Variants in EZH2 observed in about 807,000 individuals in gnomAD.
The protein encoded by EZH2 is histone-lysine N-methyltransferase EZH2.
In EZH2, 18 loss-of-function variants were observed where a neutral mutation model predicts 98.4. The observed-to-expected ratio is 0.18, with a 90% CI of 0.13 to 0.27. The LOEUF (loss-of-function observed/expected upper bound fraction) is 0.27. Among genes scored for constraint, EZH2 ranks in the 10% least tolerant of loss-of-function variants. EZH2 has a pLI of 1.00. For missense variants in EZH2, 470 were observed against 935.1 expected, an observed-to-expected ratio of 0.50 and a Z score of 6.49; for synonymous variants, 338 against 312.3, an observed-to-expected ratio of 1.08 and a Z score of -0.87.
At chr7:148,857,664 T>C (rs1169176766) in intron 1 of EZH2, among the ~76,000 whole-genome samples, 2 of 151,974 alleles carry the variant, frequency 1.3e-5, no homozygotes, top group African/African-American at 4.8e-5. Context: ...GGCAGGAGAA[T>C]TGCTTGAACC....
intron 6 of EZH2, among the ~76,000 whole-genome samples, chr7:148,828,191 A>G (rs113949796): frequency 2.3e-4 from 35 of 152,310 alleles, no homozygotes; most frequent in African/African-American, 8.4e-4. Flanking sequence ...CTGGTGCATA[A>G]GAAGTGATTA....
At chr7:148,843,583 GTTTTTTTTTTTT>G (rs1157236882) in intron 3 of EZH2, among the ~76,000 whole-genome samples, 13 of 64,310 alleles carry the variant, frequency 2.0e-4, no homozygotes, top group Admixed American at 2.6e-4. Flanking sequence ...GGGAGTATAA[GTTTTTTTTTTTT>G]TTTTTTTTTT....
chr7:148,811,928 G>A, intron 15 of EZH2: 1 of 516,936 alleles, frequency 1.9e-6, no homozygotes, highest in East Asian at 3.1e-5. Context: ...CAGCAGATAA[G>A]AATCTCTGTC....
chr7:148,816,637 G>A, intron 12 of EZH2, 47 bp downstream of exon 12: 2 of 1,434,834 alleles, frequency 1.4e-6, no homozygotes, highest in Non-Finnish European at 9.8e-7. Flanking sequence ...CTTGCCTGCA[G>A]TGTCTATCTA....
chr7:148,828,283 G>A (rs1173297989), intron 6 of EZH2, among the ~76,000 whole-genome samples: 1 of 152,108 alleles, frequency 6.6e-6, no homozygotes, highest in Non-Finnish European at 1.5e-5. Context: ...TACGTTCTTT[G>A]CTAGCCAAAG....
intron 1 of EZH2, among the ~76,000 whole-genome samples, chr7:148,879,507 A>G (rs1820656291): frequency 6.6e-6 from 1 of 151,834 alleles, no homozygotes; most frequent in Non-Finnish European, 1.5e-5. Flanking sequence ...CCTGGCCAAC[A>G]TGGTGAAATC....
intron 11 of EZH2, 64 bp downstream of exon 11, chr7:148,817,158 A>G: frequency 1.4e-6 from 2 of 1,456,478 alleles, no homozygotes; most frequent in Non-Finnish European, 1.8e-6. Context: ...TTGTTTGGAC[A>G]ACGAGTACAG....
intron 19 of EZH2, 130 bp from the exon 20 acceptor site, chr7:148,807,836 AC>A (rs1185806746): frequency 1.7e-6 from 1 of 572,668 alleles, no homozygotes; most frequent in East Asian, 3.0e-5. Flanking sequence ...AAAAAAAAAA[AC>A]CCATCCAATT....
intron 6 of EZH2, among the ~76,000 whole-genome samples, chr7:148,827,567 G>T (rs527420924): frequency 7.9e-5 from 12 of 152,230 alleles, no homozygotes; most frequent in East Asian, 3.9e-4. Context: ...TACCTCTTGG[G>T]TCTGTTTACT....
rs1405086691 is a variant in EZH2 at position 148,810,485 on chromosome 7, GCA to G, written c.1948-73_1948-72del. 29 of 1,033,254 alleles carry G rather than the reference GCA, an allele frequency of 2.8e-5. 1 individual carries two copies. Among genetic ancestry groups the G allele is most frequent in the South Asian group, 2.8e-4 (21 of 75,786 alleles). The allele number at this position is 1,033,254 out of a possible 1,614,324, so 64.0% of individuals were successfully genotyped here. ...CAAGCCTGACAGAACACACAAAAGCGCACAGAGTGAATACTGGACCTTCTGGA... is the reference window on the plus strand; with the variant it reads ...CAAGCCTGACAGAACACACAAAAGCGCAGAGTGAATACTGGACCTTCTGGA... On this transcript the variant is annotated intron_variant, in intron 16 of 19. Transcript: ENST00000320356.
At chr7:148,883,875 C>G (rs1052425316) in intron 1 of EZH2, among the ~76,000 whole-genome samples, 12 of 151,698 alleles carry the variant, frequency 7.9e-5, no homozygotes, top group East Asian at 2.0e-4. Flanking sequence ...GGACAAGCAC[C>G]GGGAAAGGAG....
In EZH2 at chr7:148,809,194, G is replaced by A. The variant is rs774751966; in HGVS notation, c.2111-39C>T. 3.9e-5 allele frequency: 62 copies of A among 1,593,862 alleles called. 2 individuals are homozygous for A. In the South Asian group the frequency reaches 5.5e-4, roughly 14 times the overall value. On this transcript the variant is annotated intron_variant, in intron 18 of 19. Coordinates refer to ENST00000320356, the MANE Select transcript of EZH2 (RefSeq NM_004456.5). ...CACTGGTGTCAGTGAGCATGAAGAC[G>A]GGCCACGGGGGGTTAACTGACTTGT...
intron 5 of EZH2, 31 bp from the exon 6 acceptor site, chr7:148,828,911 G>C (rs751456050): frequency 2.6e-5 from 41 of 1,571,206 alleles, no homozygotes; most frequent in Non-Finnish European, 3.4e-5. Context: ...GAAACACACA[G>C]GAGAAGCAAT....
intron 3 of EZH2, among the ~76,000 whole-genome samples, chr7:148,835,199 C>T (rs1167324849): frequency 6.6e-6 from 1 of 152,122 alleles, no homozygotes; most frequent in Middle Eastern, 3.4e-3. Context: ...ACGGGCAGAT[C>T]GCTTGAGCCC....
chr7:148,880,629 C>T (rs562113426), intron 1 of EZH2, among the ~76,000 whole-genome samples: 2 of 152,322 alleles, frequency 1.3e-5, no homozygotes, highest in African/African-American at 4.8e-5. Flanking sequence ...ACCTTGACAA[C>T]TATTTTTCTT....
Position 148,809,328 on chromosome 7 carries a change from G to T in EZH2, c.2092C>A (p.Pro698Thr). The change falls in exon 18 of 20, where the codon CCA (proline) becomes ACA (threonine). Residue 698 changes from proline (P) to threonine (T), a missense_variant. Pro to Thr is a conservative substitution (Grantham distance 38). Around this residue, in one of 6 missense-constraint regions of EZH2, gnomAD observed 106 missense variants for 327.2 expected, o/e 0.32. Transcript: ENST00000320356. ...KIRFANHSVN[P>T]NCYAKVMMVN... ...TACCTACCTTTTGCATAGCAGTTTG[G>T]ATTTACCGAATGATTTGCAAAACGA... 6.2e-7 allele frequency: 1 copy of T among 1,604,166 alleles called. No homozygotes were observed. The highest frequency in any genetic ancestry group is 1.1e-5 in the South Asian group (1 of 90,792).
At chr7:148,838,659 T>G (rs1398482766) in intron 3 of EZH2, among the ~76,000 whole-genome samples, 3 of 152,226 alleles carry the variant, frequency 2.0e-5, no homozygotes, top group African/African-American at 4.8e-5. Flanking sequence ...GAGTATTATA[T>G]AAATCTATAG....
intron 4 of EZH2, among the ~76,000 whole-genome samples, chr7:148,832,234 C>T (rs1809585112): frequency 6.6e-6 from 1 of 152,054 alleles, no homozygotes; most frequent in Admixed American, 6.6e-5. Flanking sequence ...TACAGACATG[C>T]GCCACACCCA....
At position 148,821,854 on chromosome 7, in the gene EZH2, A is replaced by C. The variant is rs531110200; in HGVS notation, c.908-2167T>G. ...TGTATGTATGTGTGTATGTATATAT[A>C]TCTCTCTCTCTAAATAAATAAATTT... On this transcript the variant is annotated intron_variant, in intron 8 of 19. Coordinates refer to ENST00000320356, the MANE Select transcript of EZH2 (RefSeq NM_004456.5). 2.8e-4 allele frequency among the ~76,000 whole-genome samples: 42 copies of C among 152,268 alleles called. No individual in the cohort carries two copies. In the South Asian group the frequency reaches 5.4e-3, roughly 20 times the overall value.
Sources: gnomAD v4.1 joint callset for allele counts (sites outside exome capture counted in the v4.1 genomes callset) on GRCh38, gnomAD v4.1.1 for gene constraint, gnomAD v4.1.1 regional missense constraint, MANE v1.5 for transcripts, NCBI Gene and HGNC (gene_info 2026-07-23, HGNC 2026-07-21) for gene names.